CDH12: variants seen among roughly 807,000 people sequenced by gnomAD.
The protein encoded by CDH12 is cadherin 12, also known as cadherin-12.
CDH12 carries 41 observed loss-of-function variants against 74.1 expected under a neutral mutation model. The ratio of observed to expected loss-of-function variants is 0.55; its 90% CI spans 0.43 to 0.72. The LOEUF is 0.72. CDH12 is among the 30% of genes least tolerant of loss of function. The pLI, the probability that CDH12 is intolerant of heterozygous loss-of-function variation, is 0.00. For synonymous variants in CDH12, 399 were observed against 355.0 expected, an observed-to-expected ratio of 1.12 and a Z score of -1.39; for missense variants, 945 against 977.2, an observed-to-expected ratio of 0.97 and a Z score of 0.44.
At chr5:21,788,593 A>G (rs1746323866) in intron 10 of CDH12, among the ~76,000 whole-genome samples, 1 of 152,136 alleles carries the variant, frequency 6.6e-6, no homozygotes, top group Non-Finnish European at 1.5e-5. Context: ...TTTTTAATAT[A>G]TTTTTAATAT....
intron 5 of CDH12, among the ~76,000 whole-genome samples, chr5:22,043,582 T>A (rs1169019645): frequency 6.6e-6 from 1 of 151,880 alleles, no homozygotes; most frequent in Admixed American, 6.6e-5. Context: ...GGACTGGAAG[T>A]CCTAGCCAGA....
At chr5:22,595,497 C>T (rs1462605247) in intron 1 of CDH12, among the ~76,000 whole-genome samples, 1 of 152,132 alleles carries the variant, frequency 6.6e-6, no homozygotes, top group East Asian at 1.9e-4. Flanking sequence ...CATTCAAAGA[C>T]ATCTAGATAA....
intron 8 of CDH12, among the ~76,000 whole-genome samples, chr5:21,831,357 T>A (rs1579788832): frequency 6.6e-6 from 1 of 152,306 alleles, no homozygotes; most frequent in South Asian, 2.1e-4. Flanking sequence ...CAGTTTCCTC[T>A]TCTAAAAATG....
chr5:22,638,417 G>C (rs1183428133), intron 1 of CDH12, among the ~76,000 whole-genome samples: 1 of 152,168 alleles, frequency 6.6e-6, no homozygotes, highest in Non-Finnish European at 1.5e-5. Flanking sequence ...AGGGCGGCAA[G>C]CATCCAGCAC....
intron 1 of CDH12, among the ~76,000 whole-genome samples, chr5:22,675,857 T>C (rs1376991124): frequency 2.2e-5 from 1 of 45,896 alleles, no homozygotes; most frequent in African/African-American, 8.5e-5. Context: ...TATATATTTA[T>C]ACTTTTGTAT....
chr5:22,314,291 C>A (rs760719268), intron 3 of CDH12, among the ~76,000 whole-genome samples: 1 of 152,240 alleles, frequency 6.6e-6, no homozygotes, highest in Admixed American at 6.5e-5. Flanking sequence ...AAGTCTCAAC[C>A]ACCAGTACCT....
intron 12 of CDH12, 25 bp downstream of exon 12, chr5:21,764,953 T>C: frequency 6.2e-7 from 1 of 1,612,812 alleles, no homozygotes; most frequent in Non-Finnish European, 8.5e-7. Context: ...CTTTATACAC[T>C]CAAGGAACAA....
chr5:22,828,944 T>C (rs764438114), intron 1 of CDH12, among the ~76,000 whole-genome samples: 15 of 152,194 alleles, frequency 9.9e-5, no homozygotes, highest in Non-Finnish European at 1.5e-4. Flanking sequence ...AAGTTATTAT[T>C]TTCTATATTT....
chr5:21,899,758 A>G (rs1753296520), intron 6 of CDH12, among the ~76,000 whole-genome samples: 1 of 151,888 alleles, frequency 6.6e-6, no homozygotes, highest in Admixed American at 6.6e-5. Context: ...ACAATTATTA[A>G]TATAATAATA....
intron 3 of CDH12, among the ~76,000 whole-genome samples, chr5:22,273,745 T>A (rs1251429366): frequency 6.6e-6 from 1 of 151,728 alleles, no homozygotes; most frequent in Admixed American, 6.6e-5. Context: ...TATTCCTATC[T>A]CACTCCTTTT....
At chr5:22,082,785 C>T (rs1742827949) in intron 4 of CDH12, among the ~76,000 whole-genome samples, 1 of 152,076 alleles carries the variant, frequency 6.6e-6, no homozygotes, top group East Asian at 1.9e-4. Flanking sequence ...AGGAGTGCAA[C>T]GTAGAACATG....
chr5:22,568,512 C>T (rs1256884785), intron 1 of CDH12, among the ~76,000 whole-genome samples: 1 of 152,054 alleles, frequency 6.6e-6, no homozygotes, highest in East Asian at 1.9e-4. Context: ...AAATAGCAAA[C>T]ACATCTGCAC....
At chr5:22,600,132 T>C (rs1006661538) in intron 1 of CDH12, among the ~76,000 whole-genome samples, 3 of 152,154 alleles carry the variant, frequency 2.0e-5, no homozygotes, top group Admixed American at 6.6e-5. Context: ...TCCTTTTACT[T>C]GCTTTATTTG....
chr5:22,780,178 G>C (rs958093178), intron 1 of CDH12, among the ~76,000 whole-genome samples: 29 of 152,116 alleles, frequency 1.9e-4, no homozygotes, highest in Non-Finnish European at 4.0e-4. Flanking sequence ...TTGAGGCCAG[G>C]AGTTCAAGAC....
At chr5:21,867,120 C>T (rs1330548076) in intron 6 of CDH12, among the ~76,000 whole-genome samples, 1 of 152,088 alleles carries the variant, frequency 6.6e-6, no homozygotes, top group East Asian at 1.9e-4. Context: ...TTTGGGATGC[C>T]AAGAAGGGTG....
At chr5:22,707,079 A>T (rs1476730247) in intron 1 of CDH12, among the ~76,000 whole-genome samples, 2 of 152,138 alleles carry the variant, frequency 1.3e-5, no homozygotes, top group African/African-American at 4.8e-5. Context: ...CTCATTGTGG[A>T]TGCACCATTG....
At chr5:22,553,362 T>C (rs138565008) in intron 1 of CDH12, among the ~76,000 whole-genome samples, 98 of 152,256 alleles carry the variant, frequency 6.4e-4, no homozygotes, top group African/African-American at 2.3e-3. Context: ...AACACTTTGG[T>C]GGCAACCACT....
At position 22,103,286 on chromosome 5, in the gene CDH12, T is replaced by G. The variant is rs150205084; in HGVS notation, c.-186-24424A>C. On this transcript the variant is annotated intron_variant, in intron 4 of 14. Transcript: ENST00000382254. ...TCTTTCACCCTGGCTCTGTCTGTCT[T>G]AGGAGTTGTGATGCTCTTATGATAG... Among the ~76,000 whole-genome samples, 486 of 152,220 alleles carry G rather than the reference T, an allele frequency of 3.2e-3. 4 individuals are homozygous for G. Among genetic ancestry groups the G allele is most frequent in the African/African-American group, 0.011 (464 of 41,528 alleles).
chr5:21,961,621 T>A (rs1015859413), intron 6 of CDH12, among the ~76,000 whole-genome samples: 2 of 152,098 alleles, frequency 1.3e-5, no homozygotes, highest in African/African-American at 4.8e-5. Context: ...TCCAATGTGA[T>A]TGGTGGCCTT....
Sources: gnomAD v4.1 joint callset for allele counts (sites outside exome capture counted in the v4.1 genomes callset) on GRCh38, gnomAD v4.1.1 for gene constraint, MANE v1.5 for transcripts, NCBI Gene and HGNC (gene_info 2026-07-23, HGNC 2026-07-21) for gene names.